The following PTPN3 variants were observed in gnomAD, a reference collection of about 807,000 sequenced individuals.
PTPN3 encodes tyrosine-protein phosphatase non-receptor type 3.
PTPN3 carries 96 observed loss-of-function variants against 132.7 expected under a neutral mutation model. The observed-to-expected ratio is 0.72, with a 90% CI of 0.61 to 0.86. The LOEUF (loss-of-function observed/expected upper bound fraction) is 0.86, where lower values mean the gene tolerates loss of function less well. PTPN3 is among the 40% of genes least tolerant of loss of function. PTPN3 has a pLI of 0.00. For missense variants in PTPN3, 1,125 were observed against 1,159.6 expected (o/e 0.97, Z 0.43); for synonymous variants, 398 against 429.0 (o/e 0.93, Z 0.89).
At chr9:109,445,680 C>G (rs2131977331) in intron 6 of PTPN3, among the ~76,000 whole-genome samples, 1 of 152,298 alleles carries the variant, frequency 6.6e-6, no homozygotes, top group East Asian at 1.9e-4. Context: ...TGAGACTCAT[C>G]ATAGGGCTCT....
At chr9:109,409,799 T>C (rs1163944045) in intron 16 of PTPN3, among the ~76,000 whole-genome samples, 200 bp downstream of exon 16, 1 of 151,638 alleles carries the variant, frequency 6.6e-6, no homozygotes, top group East Asian at 1.9e-4. Context: ...GGCGATAAAG[T>C]GAGTTTTTAA....
intron 14 of PTPN3, among the ~76,000 whole-genome samples, chr9:109,415,482 A>C (rs1381116621): frequency 6.6e-6 from 1 of 152,244 alleles, no homozygotes; most frequent in Non-Finnish European, 1.5e-5. Context: ...GAAATGCTGA[A>C]AAAGCAGAGA....
At chr9:109,382,128 G>A (rs963033110) in intron 24 of PTPN3, among the ~76,000 whole-genome samples, 174 bp downstream of exon 24, 6 of 152,176 alleles carry the variant, frequency 3.9e-5, no homozygotes, top group Non-Finnish European at 7.4e-5. Context: ...ACAAAGTTAG[G>A]ATTTCATAAA....
intron 7 of PTPN3, among the ~76,000 whole-genome samples, chr9:109,443,447 G>A (rs909790905): frequency 6.6e-6 from 1 of 152,068 alleles, no homozygotes; most frequent in African/African-American, 2.4e-5. Flanking sequence ...TGGGGTTCAA[G>A]GGATCCTCCC....
intron 1 of PTPN3, 142 bp from the exon 2 acceptor site, chr9:109,463,593 C>G: frequency 1.5e-6 from 1 of 680,164 alleles, no homozygotes; most frequent in Non-Finnish European, 2.2e-6. Context: ...GATCATGTTT[C>G]CAATTGAGTT....
intron 19 of PTPN3, among the ~76,000 whole-genome samples, chr9:109,394,965 C>T (rs752809223): frequency 6.6e-6 from 1 of 151,848 alleles, no homozygotes; most frequent in African/African-American, 2.4e-5. Context: ...TGGTGAAACC[C>T]CGTCTCTACT....
intron 1 of PTPN3, among the ~76,000 whole-genome samples, chr9:109,476,660 C>T (rs1846681883): frequency 6.6e-6 from 1 of 152,160 alleles, no homozygotes; most frequent in Non-Finnish European, 1.5e-5. Flanking sequence ...AATAGCCAGA[C>T]CTGGGTTCTA....
intron 1 of PTPN3, among the ~76,000 whole-genome samples, chr9:109,497,945 G>A (rs1847750710): frequency 6.8e-6 from 1 of 146,902 alleles, no homozygotes; most frequent in Non-Finnish European, 1.5e-5. Flanking sequence ...ACGCTCCGGC[G>A]CCGCGTCCCG....
At chr9:109,398,946 C>G (rs1735566774) in intron 19 of PTPN3, among the ~76,000 whole-genome samples, 1 of 152,072 alleles carries the variant, frequency 6.6e-6, no homozygotes, top group South Asian at 2.1e-4. Flanking sequence ...AGTGTGAACC[C>G]CAATTCTGCT....
At position 109,382,325 on chromosome 9, in the gene PTPN3, G is replaced by A. The variant is rs371197800; in HGVS notation, c.2505C>T (p.Ser835=). 8.1e-6 allele frequency: 13 copies of A among 1,613,868 alleles called. No homozygotes were observed. Among genetic ancestry groups the A allele is most frequent in the South Asian group, 7.7e-5 (7 of 91,006 alleles). The change falls in exon 24 of 26, where the codon AGC becomes AGT. Residue 835 remains serine, a synonymous_variant. Coordinates refer to ENST00000374541, the MANE Select transcript of PTPN3 (RefSeq NM_002829.4). ...ACCTGCAGTGAACTAGGACGGGCTC[G>A]CTGTCCACTCTCAGAGACCTCACAT... ...VNYVRSLRVD[S]EPVLVHCSAG... is the part of the protein sequence containing the mutation.
At chr9:109,525,198 T>G in the PTPN3 span, among the ~76,000 whole-genome samples, 1 of 152,050 alleles carries the variant, frequency 6.6e-6, no homozygotes, top group Admixed American at 6.5e-5. Context: ...ACTACAGGCA[T>G]GTGTACCACC....
chr9:109,489,225 C>T (rs1363442188), intron 1 of PTPN3, among the ~76,000 whole-genome samples: 1 of 152,198 alleles, frequency 6.6e-6, no homozygotes, highest in Non-Finnish European at 1.5e-5. Flanking sequence ...ACGTTCCAGA[C>T]TCTGCCAGTC....
At position 109,415,077 on chromosome 9, in the gene PTPN3, A is replaced by ACCAACCAT. The variant is rs1554786814; in HGVS notation, c.1314-4663_1314-4662insATGGTTGG. Among the ~76,000 whole-genome samples the ACCAACCAT allele has an allele frequency of 1.9e-4, 24 of 125,186 alleles. No individual in the cohort carries two copies. In the South Asian group the frequency reaches 4.3e-3, roughly 22 times the overall value. 82.1% of individuals were successfully genotyped at this position (125,186 alleles called of 152,430 possible). A position where few individuals can be genotyped will look rare whatever the true frequency, so the allele number is the denominator to read the frequency against. On this transcript the variant is annotated intron_variant, in intron 14 of 25. Coordinates refer to ENST00000374541, the MANE Select transcript of PTPN3 (RefSeq NM_002829.4). ...ATCCGTCCATCCGTCCGTCCATCCAACCATCCATCCATCCATCCATCCATC... is the reference window on the plus strand; with the variant it reads ...ATCCGTCCATCCGTCCGTCCATCCAACCAACCATCCATCCATCCATCCATCCATCCATC...
In PTPN3 at chr9:109,384,352, C is replaced by T. The variant is rs376577712; in HGVS notation, c.2254-801G>A. On this transcript the variant is annotated intron_variant, in intron 22 of 25. Transcript: ENST00000374541. ...AGCCCTTGAAGGCTTTCTTAGGTGA[C>T]GCCCTAAAGAGGTGATATCCCACAC... 5.3e-4 allele frequency among the ~76,000 whole-genome samples: 81 copies of T among 152,302 alleles called. 1 individual carries two copies. In the South Asian group the frequency reaches 0.014, roughly 26 times the overall value.
chr9:109,498,350 G>C (rs1847784995), upstream of PTPN3: 1 of 146,478 alleles, frequency 6.8e-6, no homozygotes, highest in African/African-American at 2.4e-5. The surrounding 1 kb of genome is among the most constrained non-coding windows in gnomAD (Gnocchi z 4.2). Flanking sequence ...CGCCGGCCGG[G>C]CTGGCCGCGA....
intron 1 of PTPN3, among the ~76,000 whole-genome samples, chr9:109,475,707 C>T (rs894208186): frequency 6.6e-6 from 1 of 152,200 alleles, no homozygotes; most frequent in Non-Finnish European, 1.5e-5. Context: ...GCTCTGGCCC[C>T]CACCCCTTTA....
chr9:109,393,752 TG>T (rs1840336169), intron 19 of PTPN3, among the ~76,000 whole-genome samples: 11 of 152,194 alleles, frequency 7.2e-5, no homozygotes, highest in African/African-American at 2.4e-4. Flanking sequence ...AAGATGTGTT[TG>T]CAGTTTGAAT....
At chr9:109,420,246 C>CGGG (rs1842796405) in intron 14 of PTPN3, among the ~76,000 whole-genome samples, 178 bp downstream of exon 14, 1 of 152,130 alleles carries the variant, frequency 6.6e-6, no homozygotes, top group Non-Finnish European at 1.5e-5. Context: ...GCACATAGAC[C>CGGG]GTCTTCCGGG....
intron 2 of PTPN3, 123 bp from the exon 3 acceptor site, chr9:109,457,522 C>T (rs531432394): frequency 2.7e-6 from 2 of 730,422 alleles, no homozygotes; most frequent in South Asian, 1.9e-5. Flanking sequence ...CTTCCCACCA[C>T]AAGAAAAGCT....
Sources: allele counts gnomAD v4.1 joint callset (sites outside exome capture counted in the v4.1 genomes callset), GRCh38; gene constraint gnomAD v4.1.1; non-coding constraint Gnocchi (gnomAD v3.1); transcripts MANE v1.5; gene names NCBI Gene and HGNC (gene_info 2026-07-23, HGNC 2026-07-21).